SLC41A2: variants seen among roughly 807,000 people sequenced by gnomAD.
SLC41A2 encodes solute carrier family 41 member 2.
Under a neutral mutation model 58.3 loss-of-function variants are expected in SLC41A2, and 32 were observed. That is an observed-to-expected ratio of 0.55 (90% CI 0.41 to 0.74). The LOEUF (loss-of-function observed/expected upper bound fraction) is 0.74, where lower values mean the gene tolerates loss of function less well. SLC41A2 is among the 30% of genes least tolerant of loss of function. SLC41A2 has a pLI of 0.00. For missense variants in SLC41A2, 514 were observed against 680.6 expected, an observed-to-expected ratio of 0.76 and a Z score of 2.72; for synonymous variants, 190 against 235.0, an observed-to-expected ratio of 0.81 and a Z score of 1.75.
chr12:104,893,554 T>G (rs2045123166), intron 4 of SLC41A2, among the ~76,000 whole-genome samples: 1 of 152,348 alleles, frequency 6.6e-6, no homozygotes, highest in Admixed American at 6.5e-5. Flanking sequence ...ATATCTGCAC[T>G]TCTATGTTTG....
intron 1 of SLC41A2, among the ~76,000 whole-genome samples, chr12:104,946,005 G>A (rs2047704343): frequency 6.6e-6 from 1 of 151,830 alleles, no homozygotes; most frequent in Non-Finnish European, 1.5e-5. Flanking sequence ...AGTCAAAAAA[G>A]GTATGATTTT....
At chr12:104,861,212 C>T (rs1461336409) in intron 8 of SLC41A2, 79 bp downstream of exon 8, 1 of 1,044,514 alleles carries the variant, frequency 9.6e-7, no homozygotes, top group African/African-American at 1.6e-5. Flanking sequence ...AATCTGAGCC[C>T]TAAGACTTCT....
At chr12:104,822,436 T>C (rs1377808599) in intron 10 of SLC41A2, among the ~76,000 whole-genome samples, 6 of 152,230 alleles carry the variant, frequency 3.9e-5, no homozygotes, top group Non-Finnish European at 8.8e-5. Context: ...ATTGAGTGTC[T>C]TTCCAAAGCG....
intron 8 of SLC41A2, among the ~76,000 whole-genome samples, chr12:104,848,619 T>A (rs1565838023): frequency 6.6e-6 from 1 of 151,936 alleles, no homozygotes; most frequent in Non-Finnish European, 1.5e-5. Context: ...AAGGATAATA[T>A]AGGAATATCA....
intron 4 of SLC41A2, among the ~76,000 whole-genome samples, chr12:104,889,536 AAG>A (rs1309549435): frequency 6.6e-6 from 1 of 152,216 alleles, no homozygotes; most frequent in Non-Finnish European, 1.5e-5. Context: ...TAGTGCTGGC[AAG>A]AGATTGGATT....
At chr12:104,823,772 A>C (rs1254758061) in intron 10 of SLC41A2, among the ~76,000 whole-genome samples, 3 of 152,222 alleles carry the variant, frequency 2.0e-5, no homozygotes, top group Non-Finnish European at 4.4e-5. Context: ...AACTTCATTC[A>C]AATTAGAACT....
At chr12:104,821,711 G>A (rs1053032299) in intron 10 of SLC41A2, among the ~76,000 whole-genome samples, 3 of 152,116 alleles carry the variant, frequency 2.0e-5, no homozygotes, top group Non-Finnish European at 2.9e-5. Flanking sequence ...AAGGGAAAAC[G>A]TAGCCATGAA....
chr12:104,847,059 G>C (rs184892230), intron 8 of SLC41A2, among the ~76,000 whole-genome samples: 33 of 151,988 alleles, frequency 2.2e-4, no homozygotes, highest in African/African-American at 6.0e-4. Context: ...AGATGAATCG[G>C]GTGTTGAAAC....
intron 1 of SLC41A2, among the ~76,000 whole-genome samples, chr12:104,935,118 C>A (rs150617826): frequency 6.6e-6 from 1 of 152,064 alleles, no homozygotes; most frequent in Non-Finnish European, 1.5e-5. Context: ...CCACCACGCC[C>A]GGCTAATTTT....
chr12:104,891,355 T>C (rs748329351), intron 4 of SLC41A2, among the ~76,000 whole-genome samples: 2 of 151,890 alleles, frequency 1.3e-5, no homozygotes, highest in Non-Finnish European at 2.9e-5. Context: ...AGACAAAGAA[T>C]GGGAGGAAAA....
intron 8 of SLC41A2, among the ~76,000 whole-genome samples, chr12:104,857,399 C>G (rs1018324332): frequency 6.6e-6 from 1 of 152,140 alleles, no homozygotes; most frequent in East Asian, 1.9e-4. Context: ...GTTTACACTG[C>G]TGGTGGGACT....
chr12:104,869,641 A>G (rs554277926), intron 6 of SLC41A2, among the ~76,000 whole-genome samples: 1 of 152,192 alleles, frequency 6.6e-6, no homozygotes, highest in Non-Finnish European at 1.5e-5. Context: ...GCCAAATCCA[A>G]CATGCCCATT....
At chr12:104,891,920 A>C (rs866584390) in intron 4 of SLC41A2, among the ~76,000 whole-genome samples, 12 of 152,318 alleles carry the variant, frequency 7.9e-5, no homozygotes, top group South Asian at 4.1e-4. Context: ...AAAAGAAATC[A>C]AGAAAGTAAT....
At chr12:104,816,861 C>T (rs60789981) in intron 10 of SLC41A2, among the ~76,000 whole-genome samples, 5,321 of 152,196 alleles carry the variant, frequency 0.035, 190 homozygotes, top group African/African-American at 0.092. Context: ...ACCCCCCTCC[C>T]GCAAGGATAC....
chr12:104,920,563 A>AAAAAAG (rs954238136), intron 2 of SLC41A2, among the ~76,000 whole-genome samples: 2 of 151,994 alleles, frequency 1.3e-5, no homozygotes, highest in Non-Finnish European at 2.9e-5. Context: ...ACAGAGAAGA[A>AAAAAAG]AAAAAGAAAA....
At chr12:104,834,420 C>T (rs2042140479) in intron 10 of SLC41A2, among the ~76,000 whole-genome samples, 1 of 152,110 alleles carries the variant, frequency 6.6e-6, no homozygotes, top group African/African-American at 2.4e-5. Context: ...ATAGGCCCTC[C>T]CTTCATATCT....
chr12:104,866,587 T>TAAAAAAAAAAAA lies in SLC41A2; in HGVS notation c.1028-20_1028-9dup, dbSNP rs34984157. ...AAATGTAGTAATAGGTCTCTAAAAT[T>TAAAAAAAAAAAA]AAAAAAAAAAAAAAAAAGAGAGACA... On this transcript the variant is annotated splice_polypyrimidine_tract_variant and intron_variant, in intron 6 of 10. Transcript: ENST00000258538. 1 of 1,230,880 alleles carries TAAAAAAAAAAAA rather than the reference T, an allele frequency of 8.1e-7. No individual in the cohort carries two copies. Among genetic ancestry groups the TAAAAAAAAAAAA allele is most frequent in the African/African-American group, 1.6e-5 (1 of 62,070 alleles). The allele number at this position is 1,230,880 out of a possible 1,614,324, so 76.2% of individuals were successfully genotyped here.
chr12:104,888,539 T>C (rs1239755681), intron 5 of SLC41A2, among the ~76,000 whole-genome samples: 1 of 152,168 alleles, frequency 6.6e-6, no homozygotes, highest in Non-Finnish European at 1.5e-5. Flanking sequence ...CTTTAAATTC[T>C]ATAGCCAACA....
At chr12:104,815,343 T>C (rs1367383007) in intron 10 of SLC41A2, among the ~76,000 whole-genome samples, 5 of 152,232 alleles carry the variant, frequency 3.3e-5, no homozygotes, top group Non-Finnish European at 5.9e-5. Flanking sequence ...TTGTTCTTTA[T>C]GAAATATGCA....
Sources: gnomAD v4.1 joint callset for allele counts (sites outside exome capture counted in the v4.1 genomes callset) on GRCh38, gnomAD v4.1.1 for gene constraint, MANE v1.5 for transcripts, NCBI Gene and HGNC (gene_info 2026-07-23, HGNC 2026-07-21) for gene names.